DIAPH2: variants seen among roughly 807,000 people sequenced by gnomAD.
DIAPH2 encodes the protein diaphanous related formin 2.
DIAPH2 carries 35 observed loss-of-function variants against 92.7 expected under a neutral mutation model. The ratio of observed to expected loss-of-function variants is 0.38; its 90% CI spans 0.29 to 0.50. DIAPH2 has a LOEUF of 0.50. Ranked by LOEUF, DIAPH2 falls within the 20% of genes least tolerant of loss-of-function variation. The pLI is 0.94. For missense variants in DIAPH2, 701 were observed against 819.5 expected, an observed-to-expected ratio of 0.86 and a Z score of 1.77; for synonymous variants, 301 against 280.4, an observed-to-expected ratio of 1.07 and a Z score of -0.73.
chrX:97,448,576 T>A (rs964622659), intron 26 of DIAPH2, among the ~76,000 whole-genome samples: 1 of 112,214 alleles, frequency 8.9e-6, no homozygotes, highest in African/African-American at 3.2e-5. Context: ...GCTCTGTGAA[T>A]ACTGTCATGG....
intron 1 of DIAPH2, among the ~76,000 whole-genome samples, chrX:96,698,650 A>G (rs919763065): frequency 9.0e-6 from 1 of 110,755 alleles, no homozygotes; most frequent in African/African-American, 3.3e-5. Context: ...TGTGACAGGT[A>G]AAATAGATTA....
intron 4 of DIAPH2, among the ~76,000 whole-genome samples, chrX:96,830,230 A>G (rs897848599): frequency 1.8e-5 from 2 of 111,547 alleles, no homozygotes; most frequent in Non-Finnish European, 3.8e-5. Flanking sequence ...TTTGCAACAC[A>G]TATGGCAAAG....
intron 24 of DIAPH2, among the ~76,000 whole-genome samples, chrX:97,377,001 T>A (rs2069507344): frequency 8.9e-6 from 1 of 112,055 alleles, no homozygotes; most frequent in African/African-American, 3.2e-5. Context: ...TTAGCATGAA[T>A]GCACCTTAGA....
chrX:97,572,660 C>CTTTTCT (rs1368795800), intron 26 of DIAPH2, among the ~76,000 whole-genome samples: 7 of 112,187 alleles, frequency 6.2e-5, no homozygotes, highest in Non-Finnish European at 1.1e-4. Context: ...CATTTTCTGA[C>CTTTTCT]TTTTCTTTTT....
intron 22 of DIAPH2, among the ~76,000 whole-genome samples, chrX:97,212,356 T>C (rs141638726): frequency 2.6e-4 from 26 of 99,913 alleles, no homozygotes; most frequent in African/African-American, 8.5e-4. Flanking sequence ...GTAATGATTT[T>C]GAGTCTCCAT....
chrX:97,165,540 C>CT (rs373870469), intron 22 of DIAPH2, among the ~76,000 whole-genome samples: 5 of 111,225 alleles, frequency 4.5e-5, no homozygotes, highest in African/African-American at 1.6e-4. Context: ...GTCACCTAGG[C>CT]TGGAGTGCAG....
At chrX:97,433,280 G>A (rs1049139158) in intron 26 of DIAPH2, among the ~76,000 whole-genome samples, 3 of 110,918 alleles carry the variant, frequency 2.7e-5, no homozygotes, top group Non-Finnish European at 5.7e-5. Context: ...GGAGGCTGAG[G>A]TGAGAGGATC....
rs1444770887 is a variant in DIAPH2 at position 96,951,357 on chromosome X, A to G, written c.1614+2318A>G. Among the ~76,000 whole-genome samples the G allele has an allele frequency of 2.1e-4, 23 of 111,402 alleles. No homozygotes were observed. The Admixed American group carries it at 2.2e-3, about 11-fold the overall frequency. On this transcript the variant is annotated intron_variant, in intron 15 of 26. Transcript: ENST00000324765. ...GCGAATTTCTCCGAACTTTCATATC[A>G]CTTTTCTAGACCACTCATGGGATAT...
intron 17 of DIAPH2, among the ~76,000 whole-genome samples, chrX:97,051,842 A>G (rs1368556441): frequency 1.8e-5 from 2 of 111,764 alleles, no homozygotes; most frequent in African/African-American, 3.2e-5. Context: ...CTTTTCTCTC[A>G]TTAGCTGTTT....
intron 21 of DIAPH2, among the ~76,000 whole-genome samples, chrX:97,116,778 A>G (rs1411837648): frequency 8.9e-6 from 1 of 112,100 alleles, no homozygotes; most frequent in Non-Finnish European, 1.9e-5. Context: ...ACACTATTCA[A>G]ATTAATTACA....
chrX:97,028,695 G>A (rs778419870), intron 17 of DIAPH2, among the ~76,000 whole-genome samples: 5 of 111,848 alleles, frequency 4.5e-5, no homozygotes, highest in African/African-American at 1.3e-4. Context: ...TGGTTTATCC[G>A]TTCATCAGTT....
intron 4 of DIAPH2, among the ~76,000 whole-genome samples, chrX:96,797,995 C>T (rs908498710): frequency 8.9e-6 from 1 of 112,714 alleles, no homozygotes; most frequent in East Asian, 2.8e-4. Flanking sequence ...TCTGCAGATA[C>T]TCAAGTCTCT....
At chrX:96,876,909 T>A (rs763424435) in intron 4 of DIAPH2, among the ~76,000 whole-genome samples, 4 of 111,517 alleles carry the variant, frequency 3.6e-5, no homozygotes, top group Non-Finnish European at 7.5e-5. Context: ...TAAAGTATAA[T>A]AATAAAAAAA....
chrX:97,144,248 C>T (rs4827977), intron 22 of DIAPH2, among the ~76,000 whole-genome samples: 44,127 of 109,840 alleles, frequency 0.4, 6,780 homozygotes, highest in Non-Finnish European at 0.49. Flanking sequence ...GAGCATTCCT[C>T]GAGCCCAGGA....
chrX:96,850,287 A>AGAT (rs1312803379), intron 4 of DIAPH2, among the ~76,000 whole-genome samples: 1 of 112,206 alleles, frequency 8.9e-6, no homozygotes, highest in Non-Finnish European at 1.9e-5. Flanking sequence ...TTAACTGGCT[A>AGAT]GATGATGATG....
At chrX:96,882,915 C>T (rs913693060) in intron 5 of DIAPH2, among the ~76,000 whole-genome samples, 14 of 92,639 alleles carry the variant, frequency 1.5e-4, no homozygotes, top group Non-Finnish European at 1.9e-4. Flanking sequence ...GCCCATATCC[C>T]GCCACTGCAC....
intron 22 of DIAPH2, among the ~76,000 whole-genome samples, chrX:97,239,291 G>A (rs1242170142): frequency 1.8e-5 from 2 of 111,517 alleles, no homozygotes; most frequent in African/African-American, 3.3e-5. Context: ...ATTAGAGAAA[G>A]TCTGTCATTT....
At chrX:97,504,251 C>T (rs950877353) in intron 26 of DIAPH2, among the ~76,000 whole-genome samples, 7 of 111,617 alleles carry the variant, frequency 6.3e-5, no homozygotes, top group Non-Finnish European at 1.1e-4. Context: ...TTTACTGTAA[C>T]GAGAAAGATC....
chrX:97,474,086 A>G (rs2070585407), intron 26 of DIAPH2, among the ~76,000 whole-genome samples: 1 of 112,889 alleles, frequency 8.9e-6, no homozygotes, highest in Admixed American at 9.3e-5. Flanking sequence ...CTTTTGGGCT[A>G]CAGCAGTAGA....
Sources: gnomAD v4.1 joint callset for allele counts (sites outside exome capture counted in the v4.1 genomes callset) on GRCh38, gnomAD v4.1.1 for gene constraint, MANE v1.5 for transcripts, NCBI Gene and HGNC (gene_info 2026-07-23, HGNC 2026-07-21) for gene names.